Variants in DENND2A observed in about 807,000 individuals in gnomAD.
DENND2A encodes the protein DENN domain-containing protein 2A.
In DENND2A, 53 loss-of-function variants were observed where a neutral mutation model predicts 105.3. The ratio of observed to expected loss-of-function variants is 0.50; its 90% CI spans 0.40 to 0.63. DENND2A has a LOEUF of 0.63. Among genes scored for constraint, DENND2A ranks in the 30% least tolerant of loss-of-function variants. DENND2A has a pLI of 0.00. For synonymous variants in DENND2A, 522 were observed against 508.4 expected (o/e 1.03, Z -0.36); for missense variants, 1,138 against 1,279.6 (o/e 0.89, Z 1.69).
In DENND2A at chr7:140,569,615, C is replaced by A. The variant is rs773104777; in HGVS notation, c.1540+30G>T. 9 of 1,451,868 alleles carry A rather than the reference C, an allele frequency of 6.2e-6. No individual in the cohort carries two copies. The African/African-American group carries it at 9.8e-5, about 16-fold the overall frequency. 89.9% of individuals were successfully genotyped at this position (1,451,868 alleles called of 1,614,324 possible). A position where few individuals can be genotyped will look rare whatever the true frequency, so the allele number is the denominator to read the frequency against. On this transcript the variant is annotated intron_variant, in intron 7 of 19. Coordinates refer to ENST00000496613, the MANE Select transcript of DENND2A (RefSeq NM_015689.5). ...GAAAGAATCTCTTTTCCGATTCTTGCGGGAGGAGGGCTGGTGGTGGGGGTT... is the reference window on the plus strand; with the variant it reads ...GAAAGAATCTCTTTTCCGATTCTTGAGGGAGGAGGGCTGGTGGTGGGGGTT...
chr7:140,581,910 T>C (rs955882202), intron 5 of DENND2A, among the ~76,000 whole-genome samples: 1 of 151,972 alleles, frequency 6.6e-6, no homozygotes, highest in African/African-American at 2.4e-5. Flanking sequence ...GGTAAGCCTT[T>C]ATTTCCTGGT....
rs747217732 is a variant in DENND2A, at chr7:140,587,771, A to G, written c.1005T>C (p.Tyr335=). 1 of 1,587,326 alleles carries G rather than the reference A, an allele frequency of 6.3e-7. No individual in the cohort carries two copies. The highest frequency in any genetic ancestry group is 1.1e-5 in the South Asian group (1 of 89,096). ...QKSSADHRKS[Y]EFEDLLQSSS... is the part of the protein sequence containing the mutation. ...AAGACTGCAGTAAATCTTCAAACTC[A>G]TAGGACTTTCTGGAATGTGCCAGAT... Residue 335 remains tyrosine, a synonymous_variant, in exon 4 of 20, where the codon TAT becomes TAC. Coordinates refer to ENST00000496613, the MANE Select transcript of DENND2A (RefSeq NM_015689.5).
At chr7:140,605,337 T>C (rs536034870) in intron 2 of DENND2A, among the ~76,000 whole-genome samples, 1 of 152,264 alleles carries the variant, frequency 6.6e-6, no homozygotes, top group Admixed American at 6.5e-5. Context: ...ATCACGCTGG[T>C]ATTAGATGGG....
intron 1 of DENND2A, among the ~76,000 whole-genome samples, chr7:140,638,621 C>T (rs1431199203): frequency 3.3e-5 from 5 of 152,172 alleles, no homozygotes; most frequent in African/African-American, 9.7e-5. Context: ...TGACAGCTCC[C>T]GCCTCACCTC....
intron 12 of DENND2A, among the ~76,000 whole-genome samples, chr7:140,551,658 C>G (rs1038822943): frequency 2.0e-5 from 3 of 152,300 alleles, no homozygotes; most frequent in Admixed American, 6.5e-5. Flanking sequence ...AATCTTGAAG[C>G]CTCTGTGGTT....
chr7:140,595,732 C>T (rs1312820621), intron 3 of DENND2A, among the ~76,000 whole-genome samples: 2 of 151,844 alleles, frequency 1.3e-5, no homozygotes, highest in African/African-American at 2.4e-5. Context: ...TGCACCACTG[C>T]ACTCCGGCCT....
intron 1 of DENND2A, among the ~76,000 whole-genome samples, chr7:140,632,481 T>G (rs753821429): frequency 7.2e-5 from 11 of 152,190 alleles, no homozygotes; most frequent in African/African-American, 1.9e-4. Context: ...ACTCTCAGCC[T>G]TTACCAGCGT....
chr7:140,544,804 A>G lies in DENND2A; in HGVS notation c.2179-38T>C, dbSNP rs1796827943. 1.9e-6 allele frequency: 3 copies of G among 1,552,422 alleles called. No individual in the cohort carries two copies. The South Asian group carries it at 3.6e-5, about 18-fold the overall frequency. ...AGGAGCAGCCATGAAGGAGGGGCCC[A>G]GCTACGCAGCCAGGCCTCTCACGGG... On this transcript the variant is annotated intron_variant, in intron 13 of 19. Transcript: ENST00000496613.
chr7:140,545,478 G>A (rs1440257772), intron 13 of DENND2A, among the ~76,000 whole-genome samples: 2 of 152,130 alleles, frequency 1.3e-5, no homozygotes, highest in African/African-American at 4.8e-5. Flanking sequence ...AGCTTCCCAA[G>A]TAGCTGAGAT....
intron 14 of DENND2A, among the ~76,000 whole-genome samples, chr7:140,533,423 A>G (rs972378384): frequency 4.6e-5 from 7 of 152,124 alleles, no homozygotes; most frequent in African/African-American, 1.7e-4. Context: ...CTAAAGCCCT[A>G]TGTTGCCTTC....
intron 14 of DENND2A, among the ~76,000 whole-genome samples, chr7:140,536,173 T>C (rs1221137939): frequency 6.6e-6 from 1 of 151,948 alleles, no homozygotes; most frequent in East Asian, 1.9e-4. Context: ...GCCAACATAG[T>C]GAAACCCCGT....
intron 1 of DENND2A, among the ~76,000 whole-genome samples, chr7:140,629,860 T>C (rs549398443): frequency 7.9e-4 from 114 of 144,352 alleles, no homozygotes; most frequent in African/African-American, 1.1e-3. Flanking sequence ...TTCTCTCTCT[T>C]TTTTTTTTTT....
intron 1 of DENND2A, among the ~76,000 whole-genome samples, chr7:140,615,146 C>T (rs1462776509): frequency 1.3e-5 from 2 of 152,224 alleles, no homozygotes; most frequent in East Asian, 1.9e-4. Context: ...GGATTACAGG[C>T]GTGAGCCACT....
chr7:140,587,906 A>G, intron 3 of DENND2A, 126 bp from the exon 4 acceptor site: 1 of 1,104,086 alleles, frequency 9.1e-7, no homozygotes, highest in Non-Finnish European at 1.2e-6. Context: ...ACCGAAATCA[A>G]CTTTTATTTT....
intron 1 of DENND2A, among the ~76,000 whole-genome samples, chr7:140,633,308 G>A (rs748664947): frequency 5.3e-5 from 8 of 151,984 alleles, no homozygotes; most frequent in East Asian, 1.9e-4. Context: ...GATTACAGGC[G>A]TGAGCCACCG....
chr7:140,640,544 T>C lies in DENND2A; in HGVS notation c.-288A>G, dbSNP rs1317787120. 3 of 149,876 alleles carry C rather than the reference T, an allele frequency of 2.0e-5. No homozygotes were observed. In the East Asian group the frequency reaches 6.1e-4, roughly 30 times the overall value. 9.3% of individuals were successfully genotyped at this position (149,876 alleles called of 1,614,324 possible). ...GGCTCCGCGGGCTCTGGGGCGCATC[T>C]TGGGGGCTCCGGGGCGGGCCGGGAC... On this transcript the variant is annotated 5_prime_UTR_variant, in exon 1 of 20. Coordinates refer to ENST00000496613, the MANE Select transcript of DENND2A (RefSeq NM_015689.5). The surrounding 1 kb of genome is among the most constrained non-coding windows in gnomAD (Gnocchi z 4.9).
At chr7:140,635,356 C>T (rs866265335) in intron 1 of DENND2A, among the ~76,000 whole-genome samples, 1 of 152,150 alleles carries the variant, frequency 6.6e-6, no homozygotes, top group Admixed American at 6.6e-5. Context: ...AGTAAACCTA[C>T]AATTTTTAAG....
rs777661670 is a variant in DENND2A at position 140,527,446 on chromosome 7, C to A, written c.2377G>T (p.Ala793Ser). ...HAMVALIYPF[A>S]WQHTYIPVLP... ...ACCGGGATGTAGGTGTGCTGCCAGG[C>A]GAAGGGGTAGATCAGCGCCACCATC... Residue 793 changes from alanine to serine, a missense_variant, in exon 15 of 20, where the codon GCC (alanine) becomes TCC (serine). By Grantham distance (99) the Ala-to-Ser change is moderately conservative. Around this residue, in one of 2 missense-constraint regions of DENND2A, gnomAD observed 627 missense variants for 779.8 expected, o/e 0.80. Coordinates refer to ENST00000496613, the MANE Select transcript of DENND2A (RefSeq NM_015689.5). The surrounding 1 kb of genome is among the most constrained non-coding windows in gnomAD (Gnocchi z 4.9). 6 of 1,604,806 alleles carry A rather than the reference C, an allele frequency of 3.7e-6. No homozygotes were observed. The highest frequency in any genetic ancestry group is 2.2e-5 in the South Asian group (2 of 89,336).
upstream of DENND2A, among the ~76,000 whole-genome samples, chr7:140,640,955 G>A (rs1048905698): frequency 3.3e-5 from 5 of 151,234 alleles, no homozygotes; most frequent in Non-Finnish European, 5.9e-5. The surrounding 1 kb of genome is among the most constrained non-coding windows in gnomAD (Gnocchi z 4.9). Context: ...AGGACCTTCT[G>A]CCGGACTCGC....
Sources: gnomAD v4.1 joint callset for allele counts (sites outside exome capture counted in the v4.1 genomes callset) on GRCh38, gnomAD v4.1.1 for gene constraint, gnomAD v4.1.1 regional missense constraint, Gnocchi (gnomAD v3.1) non-coding constraint, MANE v1.5 for transcripts, NCBI Gene and HGNC (gene_info 2026-07-23, HGNC 2026-07-21) for gene names.